GAB4: variants seen among roughly 807,000 people sequenced by gnomAD.
GAB4 encodes GRB2-associated-binding protein 4.
Under a neutral mutation model 51.3 loss-of-function variants are expected in GAB4, and 26 were observed. The observed-to-expected ratio is 0.51, with a 90% CI of 0.37 to 0.70. GAB4 has a LOEUF of 0.70. Ranked by LOEUF, GAB4 falls within the 30% of genes least tolerant of loss-of-function variation. The pLI, the probability that GAB4 is intolerant of heterozygous loss-of-function variation, is 0.00. For synonymous variants in GAB4, 329 were observed against 291.2 expected (o/e 1.13, Z -1.32); for missense variants, 759 against 734.6 (o/e 1.03, Z -0.38).
At chr22:16,980,538 A>T (rs1259403980) in intron 3 of GAB4, among the ~76,000 whole-genome samples, 1 of 152,214 alleles carries the variant, frequency 6.6e-6, no homozygotes, top group Non-Finnish European at 1.5e-5. Flanking sequence ...GAGAAATAGG[A>T]ACACTTTTAC....
At chr22:16,990,786 TA>T (rs2060907295) in intron 2 of GAB4, among the ~76,000 whole-genome samples, 1 of 152,180 alleles carries the variant, frequency 6.6e-6, no homozygotes, top group Non-Finnish European at 1.5e-5. Flanking sequence ...GTTCTGGCAA[TA>T]AACATTGCCT....
intron 4 of GAB4, chr22:16,969,563 C>T (rs1020081838): frequency 2.0e-6 from 1 of 500,042 alleles, no homozygotes; most frequent in Non-Finnish European, 3.5e-6. Context: ...ACTGAGAACC[C>T]GGTGCCACCT....
chr22:16,966,280 G>T lies in GAB4; in HGVS notation c.1108C>A (p.Pro370Thr). The change falls in exon 6 of 10, where the codon CCG becomes ACG. Residue 370 changes from proline to threonine, a missense_variant. Transcript: ENST00000400588. ...VPMNPGSPTL[P>T]AVKQAGDDSQ... ...TCATCGCCTGCTTGCTTCACAGCCG[G>T]CAGGGTAGGGGAGCCTGGGTTCATG... is the stretch of plus-strand genomic sequence containing the variant. The T allele has an allele frequency of 6.2e-7, 1 of 1,613,912 alleles. No individual in the cohort carries two copies. Among genetic ancestry groups the T allele is most frequent in the Non-Finnish European group, 8.5e-7 (1 of 1,180,000 alleles).
At chr22:16,975,721 C>T (rs1238357457) in intron 3 of GAB4, among the ~76,000 whole-genome samples, 2 of 152,238 alleles carry the variant, frequency 1.3e-5, no homozygotes, top group Admixed American at 6.5e-5. Flanking sequence ...ACTGGAGAAA[C>T]CTCCCAGCAG....
At chr22:17,005,769 A>G (rs966317172) in intron 1 of GAB4, among the ~76,000 whole-genome samples, 1 of 152,342 alleles carries the variant, frequency 6.6e-6, no homozygotes, top group East Asian at 1.9e-4. Flanking sequence ...TATTTAATAA[A>G]TGGTGTTGGG....
At chr22:16,980,606 T>G (rs1458154792) in intron 3 of GAB4, among the ~76,000 whole-genome samples, 2 of 152,228 alleles carry the variant, frequency 1.3e-5, no homozygotes, top group African/African-American at 4.8e-5. Context: ...TGGCGATTCC[T>G]CGAGGATCTA....
At chr22:16,975,046 C>T (rs1208542430) in intron 3 of GAB4, among the ~76,000 whole-genome samples, 1 of 152,204 alleles carries the variant, frequency 6.6e-6, no homozygotes, top group Non-Finnish European at 1.5e-5. Flanking sequence ...GCCTACACCA[C>T]CAGGGCCCTG....
chr22:16,972,580 A>G (rs900507253), intron 3 of GAB4, among the ~76,000 whole-genome samples: 3 of 152,152 alleles, frequency 2.0e-5, no homozygotes, highest in Non-Finnish European at 2.9e-5. Flanking sequence ...AATCTCACGC[A>G]TATTCAGAAT....
At chr22:16,969,459 G>A (rs1344517155) in intron 4 of GAB4, among the ~76,000 whole-genome samples, 1 of 152,234 alleles carries the variant, frequency 6.6e-6, no homozygotes, top group African/African-American at 2.4e-5. Flanking sequence ...GGGACCCAGT[G>A]GTCAAGGTCC....
At chr22:16,987,800 G>C (rs987050485) in intron 3 of GAB4, among the ~76,000 whole-genome samples, 160 bp downstream of exon 3, 1 of 152,076 alleles carries the variant, frequency 6.6e-6, no homozygotes, top group South Asian at 2.1e-4. Context: ...AAAATGTGAA[G>C]GCTACATAAA....
rs188029796 is a variant in GAB4 at position 16,985,310 on chromosome 22, C to T, written c.686+2650G>A. 2.8e-3 allele frequency among the ~76,000 whole-genome samples: 426 copies of T among 152,340 alleles called. 2 individuals are homozygous for T. The highest frequency in any genetic ancestry group is 4.1e-3 in the Non-Finnish European group (282 of 68,044). On this transcript the variant is annotated intron_variant, in intron 3 of 9. Transcript: ENST00000400588. The stretch of plus-strand genomic sequence containing the variant: ...GTCTATTCTGGTCTGTTTCTATGTA[C>T]TGAGTTCTCTAAACTGTGGGTCAAC...
At chr22:16,977,649 G>A (rs1362052123) in intron 3 of GAB4, among the ~76,000 whole-genome samples, 3 of 152,116 alleles carry the variant, frequency 2.0e-5, no homozygotes, top group African/African-American at 4.8e-5. Flanking sequence ...ATTCAGGACT[G>A]GAACTCAGTT....
chr22:16,994,475 T>C (rs1325830792), intron 1 of GAB4, among the ~76,000 whole-genome samples: 6 of 152,248 alleles, frequency 3.9e-5, no homozygotes, highest in Admixed American at 2.0e-4. Context: ...GCAGGTGTTA[T>C]GTATATACAT....
intron 1 of GAB4, among the ~76,000 whole-genome samples, chr22:17,005,138 G>C (rs1027896463): frequency 6.6e-6 from 1 of 152,184 alleles, no homozygotes; most frequent in African/African-American, 2.4e-5. Context: ...AAGCTGGTAA[G>C]CAACTTCAGT....
At chr22:16,999,272 G>T (rs1358598862) in intron 1 of GAB4, among the ~76,000 whole-genome samples, 1 of 152,060 alleles carries the variant, frequency 6.6e-6, no homozygotes, top group Non-Finnish European at 1.5e-5. Context: ...TCTGGTCCTG[G>T]ACTTTCTTTG....
chr22:16,986,922 C>T (rs1000383515), intron 3 of GAB4, among the ~76,000 whole-genome samples: 10 of 152,170 alleles, frequency 6.6e-5, no homozygotes. Flanking sequence ...ACCAGGGGTG[C>T]AGCAAAGTGT....
At chr22:17,000,949 G>A (rs1287217823) in intron 1 of GAB4, among the ~76,000 whole-genome samples, 1 of 152,160 alleles carries the variant, frequency 6.6e-6, no homozygotes, top group Non-Finnish European at 1.5e-5. Flanking sequence ...TTTTCTTTAA[G>A]AATGTTGAAT....
At position 16,970,007 on chromosome 22, in the gene GAB4, G is replaced by A. The variant is rs757272657; in HGVS notation, c.873C>T (p.Pro291=). 1 of 1,614,084 alleles carries A rather than the reference G, an allele frequency of 6.2e-7. No individual in the cohort carries two copies. The highest frequency in any genetic ancestry group is 1.3e-5 in the African/African-American group (1 of 74,940). ...TGTGGCCATGGGAGGCCAGGCTCCA[G>A]GGGATTCTGTGGGTGCTGCCTCTGA... The part of the protein sequence containing the change: ...AEFRGSTHRI[P]WSLASHGHTR... The change falls in exon 4 of 10, where the codon CCC becomes CCT. Residue 291 remains proline (P), a synonymous_variant. Coordinates refer to ENST00000400588, the MANE Select transcript of GAB4 (RefSeq NM_001037814.1).
Position 16,987,942 on chromosome 22 carries a change from G to T in GAB4, c.686+18C>A, listed in dbSNP as rs769916883. 11 of 1,574,916 alleles carry T rather than the reference G, an allele frequency of 7.0e-6. No homozygotes were observed. In the South Asian group the frequency reaches 1.3e-4, roughly 18 times the overall value. ...CTTGTGGGGGTCACTGCCCCCACTGGCCATAGTAGCCCCCTACCTTGCATG... is the reference window on the plus strand; with the variant it reads ...CTTGTGGGGGTCACTGCCCCCACTGTCCATAGTAGCCCCCTACCTTGCATG... On this transcript the variant is annotated intron_variant, in intron 3 of 9. Coordinates refer to ENST00000400588, the MANE Select transcript of GAB4 (RefSeq NM_001037814.1).
Sources: allele counts gnomAD v4.1 joint callset (sites outside exome capture counted in the v4.1 genomes callset), GRCh38; gene constraint gnomAD v4.1.1; transcripts MANE v1.5; gene names NCBI Gene and HGNC (gene_info 2026-07-23, HGNC 2026-07-21).